The following VAV2 variants were observed in gnomAD, a reference collection of about 807,000 sequenced individuals.
VAV2 encodes vav guanine nucleotide exchange factor 2.
A neutral mutation model predicts 132.5 loss-of-function variants in VAV2; 67 were observed. The ratio of observed to expected loss-of-function variants is 0.51; its 90% CI spans 0.42 to 0.62. The LOEUF (loss-of-function observed/expected upper bound fraction) is 0.62. Ranked by LOEUF, VAV2 falls within the 20% of genes least tolerant of loss-of-function variation. VAV2 has a pLI of 0.00. For synonymous variants in VAV2, 492 were observed against 443.5 expected, an observed-to-expected ratio of 1.11 and a Z score of -1.37; for missense variants, 938 against 1,153.6, an observed-to-expected ratio of 0.81 and a Z score of 2.71.
intron 1 of VAV2, among the ~76,000 whole-genome samples, chr9:133,953,252 C>T (rs904241284): frequency 2.0e-5 from 3 of 152,238 alleles, no homozygotes; most frequent in East Asian, 1.9e-4. Context: ...CTTTGTTGGG[C>T]AACTCCGGTG....
chr9:133,795,855 C>T (rs1208554217), intron 11 of VAV2, 119 bp from the exon 12 acceptor site: 1 of 1,101,152 alleles, frequency 9.1e-7, no homozygotes, highest in East Asian at 2.6e-5. Context: ...GCCACCCCCA[C>T]CCGCCAGCCA....
At chr9:133,976,673 G>T (rs1169801405) in intron 1 of VAV2, among the ~76,000 whole-genome samples, 1 of 152,200 alleles carries the variant, frequency 6.6e-6, no homozygotes, top group Non-Finnish European at 1.5e-5. Flanking sequence ...CGGCAGCTAC[G>T]CATCTGGCTT....
Position 133,991,141 on chromosome 9 carries a change from G to C in VAV2, c.204+934C>G, listed in dbSNP as rs996970923. Among the ~76,000 whole-genome samples the C allele has an allele frequency of 3.9e-5, 6 of 152,122 alleles. No individual in the cohort carries two copies. The highest frequency in any genetic ancestry group is 2.0e-4 in the Admixed American group (3 of 15,284). On this transcript the variant is annotated intron_variant, in intron 1 of 29. Coordinates refer to ENST00000371850, the MANE Select transcript of VAV2 (RefSeq NM_001134398.2). This position sits in a 1 kb window ranked among gnomAD's most constrained non-coding sequence, Gnocchi z 4.8. ...TGAGGGGCTGCTGAGCTGGCTGGAAGACCGCACCTCCTCGGCGCTGGGTGG... is the reference window on the plus strand; with the variant it reads ...TGAGGGGCTGCTGAGCTGGCTGGAACACCGCACCTCCTCGGCGCTGGGTGG...
At chr9:133,982,666 G>A (rs1019796715) in intron 1 of VAV2, among the ~76,000 whole-genome samples, 1 of 152,054 alleles carries the variant, frequency 6.6e-6, no homozygotes, top group South Asian at 2.1e-4. Context: ...TTTGCAGGGC[G>A]CGCCGCCTGG....
In VAV2 at chr9:133,823,759, T is replaced by C. The variant is rs746647829; in HGVS notation, c.449+10513A>G. Among the ~76,000 whole-genome samples the C allele has an allele frequency of 4.6e-5, 7 of 152,130 alleles. No individual in the cohort carries two copies. The highest frequency in any genetic ancestry group is 1.0e-4 in the Non-Finnish European group (7 of 68,028). ...TCCCCTCCCTCTGCAGAGACTGCAT[T>C]AAATGAGACCAGAGAGTTGCTGTGA... On this transcript the variant is annotated intron_variant, in intron 4 of 29. Coordinates refer to ENST00000371850, the MANE Select transcript of VAV2 (RefSeq NM_001134398.2). This position sits in a 1 kb window ranked among gnomAD's most constrained non-coding sequence, Gnocchi z 5.5.
rs573323245 is a variant in VAV2, at chr9:133,886,095, G to C, written c.322-24663C>G. On this transcript the variant is annotated intron_variant, in intron 2 of 29. Coordinates refer to ENST00000371850, the MANE Select transcript of VAV2 (RefSeq NM_001134398.2). ...AGCCACCCTGGGAGGCTGAGATGCA[G>C]CTCAGAAACCAGGGGTGAAGGGGCT... Among the ~76,000 whole-genome samples, 29 of 152,328 alleles carry C rather than the reference G, an allele frequency of 1.9e-4. No individual in the cohort carries two copies. The South Asian group carries it at 2.3e-3, about 12-fold the overall frequency.
chr9:133,814,606 C>T (rs879856287), intron 4 of VAV2, among the ~76,000 whole-genome samples: 7 of 152,234 alleles, frequency 4.6e-5, no homozygotes, highest in Non-Finnish European at 8.8e-5. Flanking sequence ...GAGCTGATGA[C>T]ATGGATCAAA....
intron 1 of VAV2, among the ~76,000 whole-genome samples, chr9:133,988,257 G>C (rs2789865): frequency 0.58 from 87,389 of 151,654 alleles, 25,847 homozygotes; most frequent in East Asian, 0.85. Context: ...CCCATGAAAA[G>C]AGACACACAC....
At chr9:133,891,444 GAAGA>G (rs1838940591) in intron 2 of VAV2, among the ~76,000 whole-genome samples, 1 of 300 alleles carries the variant, frequency 3.3e-3, no homozygotes. Context: ...GGGGAGGGAT[GAAGA>G]GGAGGGATGA....
intron 12 of VAV2, among the ~76,000 whole-genome samples, chr9:133,792,348 G>A (rs1245423822): frequency 7.3e-6 from 1 of 137,896 alleles, no homozygotes; most frequent in Non-Finnish European, 1.6e-5. Context: ...GAGCTGTGCT[G>A]GGTGGGGTGC....
chr9:133,805,515 C>T (rs138773120), intron 9 of VAV2, among the ~76,000 whole-genome samples: 4,247 of 152,030 alleles, frequency 0.028, 81 homozygotes, highest in Middle Eastern at 0.065. Flanking sequence ...TCCCCAGCCT[C>T]CGACAGCCTG....
chr9:133,901,652 C>T (rs959607850), intron 2 of VAV2, among the ~76,000 whole-genome samples: 3 of 152,242 alleles, frequency 2.0e-5, no homozygotes, highest in African/African-American at 7.2e-5. Context: ...CCCTGAGGGG[C>T]TCCTGCCGGC....
chr9:133,966,259 A>G (rs1338568448), intron 1 of VAV2, among the ~76,000 whole-genome samples: 1 of 152,234 alleles, frequency 6.6e-6, no homozygotes, highest in African/African-American at 2.4e-5. Context: ...AAGCGGACAG[A>G]ACAAAACGAA....
chr9:133,791,047 G>A (rs1218309374), intron 13 of VAV2, among the ~76,000 whole-genome samples: 2 of 152,170 alleles, frequency 1.3e-5, no homozygotes, highest in South Asian at 2.1e-4. Context: ...ATCCTGTAAC[G>A]CACAGGGGCA....
chr9:133,924,261 C>T (rs1485484360), intron 2 of VAV2, among the ~76,000 whole-genome samples: 2 of 152,154 alleles, frequency 1.3e-5, no homozygotes, highest in East Asian at 3.9e-4. Context: ...CTGCTCACCG[C>T]AACCTCCAAT....
chr9:133,792,476 ATT>A (rs1261512046), intron 12 of VAV2, among the ~76,000 whole-genome samples: 4 of 88,302 alleles, frequency 4.5e-5, no homozygotes, highest in African/African-American at 1.9e-4. Flanking sequence ...TGTGTGTGTG[ATT>A]GTGTGAGCAG....
intron 22 of VAV2, among the ~76,000 whole-genome samples, chr9:133,778,426 G>A (rs1219986434): frequency 1.3e-5 from 2 of 152,224 alleles, no homozygotes; most frequent in African/African-American, 4.8e-5. Flanking sequence ...GGGCCTATGA[G>A]ACACAACAGA....
intron 2 of VAV2, among the ~76,000 whole-genome samples, chr9:133,932,774 A>G (rs1840733438): frequency 6.6e-6 from 1 of 152,076 alleles, no homozygotes; most frequent in South Asian, 2.1e-4. Flanking sequence ...CCTGGATGAG[A>G]GGAGGCACCA....
rs895068428 is a variant in VAV2 at position 133,834,815 on chromosome 9, T to C, written c.381-475A>G. Among the ~76,000 whole-genome samples, 1 of 152,094 alleles carries C rather than the reference T, an allele frequency of 6.6e-6. No individual in the cohort carries two copies. Among genetic ancestry groups the C allele is most frequent in the African/African-American group, 2.4e-5 (1 of 41,430 alleles). On this transcript the variant is annotated intron_variant, in intron 3 of 29. Transcript: ENST00000371850. The surrounding 1 kb of genome is among the most constrained non-coding windows in gnomAD (Gnocchi z 5.9). Reference sequence around the variant, plus strand: ...GACTCCGGAAGGGAGGGGTGACTTCTGAGGCACTGAGGGTAGGGGCTCACC... The same window carrying C: ...GACTCCGGAAGGGAGGGGTGACTTCCGAGGCACTGAGGGTAGGGGCTCACC...
Sources: gnomAD v4.1 joint callset for allele counts (sites outside exome capture counted in the v4.1 genomes callset) on GRCh38, gnomAD v4.1.1 for gene constraint, Gnocchi (gnomAD v3.1) non-coding constraint, MANE v1.5 for transcripts, NCBI Gene and HGNC (gene_info 2026-07-23, HGNC 2026-07-21) for gene names.